The following RFX2 variants were observed in gnomAD, a reference collection of about 807,000 sequenced individuals.
RFX2 encodes the protein DNA-binding protein RFX2.
A neutral mutation model predicts 87.8 loss-of-function variants in RFX2; 20 were observed. The ratio of observed to expected loss-of-function variants is 0.23; its 90% confidence interval spans 0.16 to 0.33. The LOEUF (loss-of-function observed/expected upper bound fraction) is 0.33. Ranked by LOEUF, RFX2 falls within the 10% of genes least tolerant of loss-of-function variation. RFX2 has a pLI of 1.00. For synonymous variants in RFX2, 397 were observed against 431.3 expected, an observed-to-expected ratio of 0.92 and a Z score of 0.98; for missense variants, 767 against 1,012.3, an observed-to-expected ratio of 0.76 and a Z score of 3.29.
At chr19:6,105,176 A>T (rs2088195569) in intron 1 of RFX2, among the ~76,000 whole-genome samples, 1 of 152,148 alleles carries the variant, frequency 6.6e-6, no homozygotes, top group Non-Finnish European at 1.5e-5. Flanking sequence ...CTGAGCTGAC[A>T]TTCTAACAAG....
chr19:6,026,194 G>A lies in RFX2; in HGVS notation c.566C>T (p.Thr189Ile), dbSNP rs150435072. The A allele has an allele frequency of 1.9e-6, 3 of 1,613,584 alleles. No homozygotes were observed. Among genetic ancestry groups the A allele is most frequent in the African/African-American group, 2.7e-5 (2 of 74,754 alleles). Reference sequence around the variant, plus strand: ...GTTGAGTAAACCGCTTTTGTGTGATGTGATTCCTTCGCTTTTTTGGAGGTT... The same window carrying A: ...GTTGAGTAAACCGCTTTTGTGTGATATGATTCCTTCGCTTTTTTGGAGGTT... ...IENLQKSEGITSHKSGLLNSH... is the reference protein window; with the variant it reads ...IENLQKSEGIISHKSGLLNSH... Residue 189 changes from threonine (T) to isoleucine (I), a missense_variant, in exon 6 of 18, where the codon ACA (threonine) becomes ATA (isoleucine). Around this residue, in one of 2 missense-constraint regions of RFX2, gnomAD observed 621 missense variants for 873.0 expected, o/e 0.71. Transcript: ENST00000303657. This position sits in a 1 kb window ranked among gnomAD's most constrained non-coding sequence, Gnocchi z 4.5.
rs912411698 is a variant in RFX2 at position 6,027,383 on chromosome 19, G to A, written c.523-1146C>T. ...CTGGAGGACCAGGGGAAAGTAGGAT[G>A]GTGAGACCTCTCCCACCCATCAGCC... On this transcript the variant is annotated intron_variant, in intron 5 of 17. Coordinates refer to ENST00000303657, the MANE Select transcript of RFX2 (RefSeq NM_000635.4). The surrounding 1 kb of genome is among the most constrained non-coding windows in gnomAD (Gnocchi z 5.0). 2.0e-5 allele frequency: 3 copies of A among 152,246 alleles called. No individual in the cohort carries two copies. Among genetic ancestry groups the A allele is most frequent in the Non-Finnish European group, 4.4e-5 (3 of 68,076 alleles). The allele number at this position is 152,246 out of a possible 1,614,324, so 9.4% of individuals were successfully genotyped here. A position where few individuals can be genotyped will look rare whatever the true frequency, so the allele number is the denominator to read the frequency against.
Position 5,994,279 on chromosome 19 carries a change from G to GTA in RFX2, c.*555_*556insTA, listed in dbSNP as rs1178592481. 1 of 152,360 alleles carries GTA rather than the reference G, an allele frequency of 6.6e-6. No individual in the cohort carries two copies. The highest frequency in any genetic ancestry group is 1.5e-5 in the Non-Finnish European group (1 of 68,182). 9.4% of individuals were successfully genotyped at this position (152,360 alleles called of 1,614,324 possible). A position where few individuals can be genotyped will look rare whatever the true frequency, so the allele number is the denominator to read the frequency against. On this transcript the variant is annotated 3_prime_UTR_variant, in exon 18 of 18. Coordinates refer to ENST00000303657, the MANE Select transcript of RFX2 (RefSeq NM_000635.4). The stretch of plus-strand genomic sequence containing the variant: ...GGCCACAGGGCGCTGCGCCCAGCTG[G>GTA]GTCCCTCCCACATGGTGCTACCAGA...
chr19:6,002,779 G>C lies in RFX2; in HGVS notation c.1592C>G (p.Thr531Arg), dbSNP rs148402356. The change falls in exon 14 of 18, where the codon ACG (threonine) becomes AGG (arginine). Residue 531 changes from threonine to arginine, a missense_variant. Around this residue, in one of 2 missense-constraint regions of RFX2, gnomAD observed 621 missense variants for 873.0 expected, o/e 0.71. Coordinates refer to ENST00000303657, the MANE Select transcript of RFX2 (RefSeq NM_000635.4). The surrounding 1 kb of genome is among the most constrained non-coding windows in gnomAD (Gnocchi z 6.7). Reference sequence around the variant, plus strand: ...GCTGAGCATCTGGTTGATCTGGGACGTGTTCTGCAGCACCGCCCGGGCCGC... The same window carrying C: ...GCTGAGCATCTGGTTGATCTGGGACCTGTTCTGCAGCACCGCCCGGGCCGC... Reference protein sequence around the residue: ...AQAARAVLQNTSQINQMLSDL... With the variant: ...AQAARAVLQNRSQINQMLSDL... 1 of 1,613,990 alleles carries C rather than the reference G, an allele frequency of 6.2e-7. No individual in the cohort carries two copies. The highest frequency in any genetic ancestry group is 8.5e-7 in the Non-Finnish European group (1 of 1,179,958).
chr19:6,042,641 C>A (rs1265335576), intron 3 of RFX2, among the ~76,000 whole-genome samples: 1 of 152,194 alleles, frequency 6.6e-6, no homozygotes, highest in East Asian at 1.9e-4. Context: ...GCCCTGGTGC[C>A]CCTTCCCTGG....
At chr19:6,080,331 C>T (rs1348451145) in intron 1 of RFX2, among the ~76,000 whole-genome samples, 3 of 152,108 alleles carry the variant, frequency 2.0e-5, no homozygotes, top group Non-Finnish European at 4.4e-5. Context: ...TCAAGCAATC[C>T]TCCCACTTTG....
At chr19:5,996,979 T>C (rs572602785) in intron 16 of RFX2, 81 bp downstream of exon 16, 1 of 1,440,658 alleles carries the variant, frequency 6.9e-7, no homozygotes, top group South Asian at 1.3e-5. Flanking sequence ...GAGTGTCCTC[T>C]CTCTGGGCTG....
intron 17 of RFX2, among the ~76,000 whole-genome samples, chr19:5,995,275 G>A (rs1263796221): frequency 1.3e-5 from 2 of 152,194 alleles, no homozygotes; most frequent in Non-Finnish European, 2.9e-5. Flanking sequence ...ACGGGGCCCG[G>A]GGGTCCCTCT....
rs746810420 is a variant in RFX2 at position 6,021,196 on chromosome 19, G to A, written c.598-4925C>T. ...AGCAGCTCGGGCAGCTATTCCAACCGTCCAGGTGTGCCCTGTGTTGACATA... is the reference window on the plus strand; with the variant it reads ...AGCAGCTCGGGCAGCTATTCCAACCATCCAGGTGTGCCCTGTGTTGACATA... On this transcript the variant is annotated intron_variant, in intron 6 of 17. Transcript: ENST00000303657. This position sits in a 1 kb window ranked among gnomAD's most constrained non-coding sequence, Gnocchi z 5.7. Among the ~76,000 whole-genome samples the A allele has an allele frequency of 7.9e-5, 12 of 152,150 alleles. No individual in the cohort carries two copies. The highest frequency in any genetic ancestry group is 4.1e-4 in the South Asian group (2 of 4,822).
At chr19:6,081,472 C>T (rs2087784680) in intron 1 of RFX2, among the ~76,000 whole-genome samples, 2 of 152,240 alleles carry the variant, frequency 1.3e-5, no homozygotes, top group African/African-American at 4.8e-5. Flanking sequence ...ATTTAGTTAA[C>T]ATGAAAGTAA....
In RFX2 at chr19:6,065,386, C is replaced by T. The variant is rs145791370; in HGVS notation, c.-8-17882G>A. 1.3e-3 allele frequency among the ~76,000 whole-genome samples: 205 copies of T among 152,244 alleles called. 3 individuals carry two copies. In the East Asian group the frequency reaches 0.032, roughly 24 times the overall value. On this transcript the variant is annotated intron_variant, in intron 1 of 17. Coordinates refer to ENST00000303657, the MANE Select transcript of RFX2 (RefSeq NM_000635.4). Reference sequence around the variant, plus strand: ...AAAAGGCCGGGCACGGTGGCTTATGCCTGTAATCCCAGCACTTTGGGAGGC... The same window carrying T: ...AAAAGGCCGGGCACGGTGGCTTATGTCTGTAATCCCAGCACTTTGGGAGGC...
chr19:6,050,717 G>A lies in RFX2; in HGVS notation c.-8-3213C>T, dbSNP rs568138706. On this transcript the variant is annotated intron_variant, in intron 1 of 17. Coordinates refer to ENST00000303657, the MANE Select transcript of RFX2 (RefSeq NM_000635.4). The surrounding 1 kb of genome is among the most constrained non-coding windows in gnomAD (Gnocchi z 4.6). ...ACAAACTGTCTAATATATATGTAACGAGAGTCCCAGAAGAGAAAAAGAGAA... is the reference window on the plus strand; with the variant it reads ...ACAAACTGTCTAATATATATGTAACAAGAGTCCCAGAAGAGAAAAAGAGAA... Among the ~76,000 whole-genome samples the A allele has an allele frequency of 2.0e-4, 30 of 152,226 alleles. No individual in the cohort carries two copies. Among genetic ancestry groups the A allele is most frequent in the African/African-American group, 5.5e-4 (23 of 41,562 alleles).
intron 1 of RFX2, among the ~76,000 whole-genome samples, chr19:6,085,365 A>C (rs2087842589): frequency 6.6e-6 from 1 of 152,256 alleles, no homozygotes; most frequent in Non-Finnish European, 1.5e-5. Context: ...GCATTTCTGC[A>C]ATGATAACTG....
chr19:6,017,772 G>T lies in RFX2; in HGVS notation c.598-1501C>A, dbSNP rs894623016. Reference sequence around the variant, plus strand: ...CATGTTGGGCTCCTGCACAGCCCTTGGCCTGGGAAGCCCTTGTCCCTGTGC... The same window carrying T: ...CATGTTGGGCTCCTGCACAGCCCTTTGCCTGGGAAGCCCTTGTCCCTGTGC... On this transcript the variant is annotated intron_variant, in intron 6 of 17. Coordinates refer to ENST00000303657, the MANE Select transcript of RFX2 (RefSeq NM_000635.4). The surrounding 1 kb of genome is among the most constrained non-coding windows in gnomAD (Gnocchi z 4.1). Among the ~76,000 whole-genome samples the T allele has an allele frequency of 2.6e-5, 4 of 151,862 alleles. No individual in the cohort carries two copies. The highest frequency in any genetic ancestry group is 5.9e-5 in the Non-Finnish European group (4 of 67,970).
chr19:6,039,049 C>T lies in RFX2; in HGVS notation c.522+931G>A, dbSNP rs1368110560. 6.6e-6 allele frequency among the ~76,000 whole-genome samples: 1 copy of T among 152,094 alleles called. No individual in the cohort carries two copies. Among genetic ancestry groups the T allele is most frequent in the East Asian group, 1.9e-4 (1 of 5,192 alleles). ...TTAGAGCTTCTTTATTCATAATCAC[C>T]CCAAACTGGAAACCATCCAAATGGC... On this transcript the variant is annotated intron_variant, in intron 5 of 17. Coordinates refer to ENST00000303657, the MANE Select transcript of RFX2 (RefSeq NM_000635.4). This position sits in a 1 kb window ranked among gnomAD's most constrained non-coding sequence, Gnocchi z 5.2.
rs996199920 is a variant in RFX2 at position 6,007,887 on chromosome 19, C to T, written c.1135-85G>A. 11 of 1,001,094 alleles carry T rather than the reference C, an allele frequency of 1.1e-5. No individual in the cohort carries two copies. The highest frequency in any genetic ancestry group is 4.2e-5 in the South Asian group (3 of 70,638). 62.0% of individuals were successfully genotyped at this position (1,001,094 alleles called of 1,614,324 possible). A position where few individuals can be genotyped will look rare whatever the true frequency, so the allele number is the denominator to read the frequency against. The stretch of plus-strand genomic sequence containing the variant: ...ACACGTCAAGTGAGCAGCCGTGATC[C>T]GGGCTACAGCGGGGTGCCCTGGAAT... On this transcript the variant is annotated intron_variant, in intron 10 of 17. Coordinates refer to ENST00000303657, the MANE Select transcript of RFX2 (RefSeq NM_000635.4). The surrounding 1 kb of genome is among the most constrained non-coding windows in gnomAD (Gnocchi z 8.2).
At chr19:6,006,875 A>T in intron 12 of RFX2, 137 bp downstream of exon 12, 1 of 934,794 alleles carries the variant, frequency 1.1e-6, no homozygotes, top group Non-Finnish European at 1.6e-6. Flanking sequence ...CACTGGCATG[A>T]GCCACCGCGC....
intron 5 of RFX2, among the ~76,000 whole-genome samples, chr19:6,030,922 C>T (rs1009690332): frequency 7.2e-5 from 11 of 152,168 alleles, no homozygotes; most frequent in African/African-American, 2.7e-4. Context: ...GACATTGCCA[C>T]ATTTCATTAC....
At chr19:6,095,697 T>C (rs1222120874) in intron 1 of RFX2, among the ~76,000 whole-genome samples, 1 of 151,918 alleles carries the variant, frequency 6.6e-6, no homozygotes, top group Non-Finnish European at 1.5e-5. Flanking sequence ...ATGGACCACT[T>C]GGAGAAAGTC....
Sources: allele counts gnomAD v4.1 joint callset (sites outside exome capture counted in the v4.1 genomes callset), GRCh38; gene constraint gnomAD v4.1.1; regional missense constraint gnomAD v4.1.1; non-coding constraint Gnocchi (gnomAD v3.1); transcripts MANE v1.5; gene names NCBI Gene and HGNC (gene_info 2026-07-23, HGNC 2026-07-21).